The following STX8 variants were observed in gnomAD, a reference collection of about 807,000 sequenced individuals.
STX8 encodes the protein syntaxin 8.
In STX8, 23 loss-of-function variants were observed where a neutral mutation model predicts 37.5. The observed-to-expected ratio is 0.61, with a 90% CI of 0.44 to 0.87. STX8 has a LOEUF of 0.87. Ranked by LOEUF, STX8 falls within the 40% of genes least tolerant of loss-of-function variation. The pLI, the probability that STX8 is intolerant of heterozygous loss-of-function variation, is 0.00. For synonymous variants in STX8, 115 were observed against 99.1 expected, an observed-to-expected ratio of 1.16 and a Z score of -0.95; for missense variants, 313 against 284.7, an observed-to-expected ratio of 1.10 and a Z score of -0.71.
At chr17:9,312,176 C>T (rs540453833) in intron 7 of STX8, among the ~76,000 whole-genome samples, 38 of 148,696 alleles carry the variant, frequency 2.6e-4, no homozygotes, top group Non-Finnish European at 4.6e-4. Context: ...CATAAAAAAA[C>T]CTATATAAGC....
chr17:9,446,641 T>G (rs1237815847), intron 6 of STX8, among the ~76,000 whole-genome samples: 1 of 152,100 alleles, frequency 6.6e-6, no homozygotes, highest in Non-Finnish European at 1.5e-5. Flanking sequence ...GAAGCAACAG[T>G]TTTTTTGGCA....
At chr17:9,472,993 T>C (rs1905939377) in intron 6 of STX8, among the ~76,000 whole-genome samples, 2 of 151,724 alleles carry the variant, frequency 1.3e-5, no homozygotes, top group African/African-American at 4.8e-5. Flanking sequence ...GAGCTAAAGC[T>C]AGCAGCAAAG....
At chr17:9,316,865 T>G (rs1178879767) in intron 7 of STX8, among the ~76,000 whole-genome samples, 1 of 152,202 alleles carries the variant, frequency 6.6e-6, no homozygotes, top group Non-Finnish European at 1.5e-5. Flanking sequence ...AGGTAGATAG[T>G]GTCCATTGCA....
chr17:9,536,910 AT>A (rs540349898), intron 4 of STX8, among the ~76,000 whole-genome samples: 1 of 151,722 alleles, frequency 6.6e-6, no homozygotes, highest in Non-Finnish European at 1.5e-5. Context: ...TGCCCGGCTA[AT>A]TTTTTTTATT....
intron 7 of STX8, among the ~76,000 whole-genome samples, chr17:9,302,112 G>A (rs184549553): frequency 5.3e-4 from 80 of 152,242 alleles, no homozygotes; most frequent in African/African-American, 1.8e-3. Context: ...TTCTTTCTCA[G>A]TTACTGTTCC....
intron 7 of STX8, among the ~76,000 whole-genome samples, chr17:9,299,434 T>G (rs1192472023): frequency 7.3e-6 from 1 of 136,932 alleles, no homozygotes; most frequent in African/African-American, 2.8e-5. Context: ...GTCTTCATTC[T>G]TACGCTTTTT....
intron 7 of STX8, among the ~76,000 whole-genome samples, chr17:9,315,127 C>T (rs1909338808): frequency 6.8e-6 from 1 of 147,154 alleles, no homozygotes; most frequent in Non-Finnish European, 1.5e-5. Flanking sequence ...CCAACAACAA[C>T]AACAATAGTA....
intron 6 of STX8, among the ~76,000 whole-genome samples, chr17:9,397,224 C>T (rs28889043): frequency 0.24 from 36,105 of 152,100 alleles, 4,620 homozygotes; most frequent in African/African-American, 0.32. Flanking sequence ...GGTGAAAACC[C>T]GTCTCTACTA....
intron 6 of STX8, among the ~76,000 whole-genome samples, chr17:9,415,537 C>T (rs531941662): frequency 1.2e-3 from 178 of 151,984 alleles, no homozygotes; most frequent in Non-Finnish European, 2.3e-3. Context: ...TTTGGGAGGC[C>T]GAGGCGGGAG....
At chr17:9,415,227 C>T (rs963477221) in intron 6 of STX8, among the ~76,000 whole-genome samples, 2 of 152,112 alleles carry the variant, frequency 1.3e-5, no homozygotes, top group Admixed American at 6.6e-5. Context: ...CTCCAGGCAC[C>T]TTTCCTTCTG....
chr17:9,262,027 C>A (rs1027430400), intron 7 of STX8, among the ~76,000 whole-genome samples: 1 of 152,144 alleles, frequency 6.6e-6, no homozygotes, highest in Non-Finnish European at 1.5e-5. Flanking sequence ...TTACCTGGCA[C>A]CAATTAGGGA....
chr17:9,390,522 C>CAA (rs1161307121), intron 6 of STX8, among the ~76,000 whole-genome samples: 1 of 115,466 alleles, frequency 8.7e-6, no homozygotes, highest in Admixed American at 9.4e-5. Flanking sequence ...AACTCCGTCT[C>CAA]AAAAAAAAAA....
At chr17:9,401,931 T>A (rs1820828929) in intron 6 of STX8, among the ~76,000 whole-genome samples, 1 of 152,112 alleles carries the variant, frequency 6.6e-6, no homozygotes, top group African/African-American at 2.4e-5. Context: ...TCAGACATAT[T>A]TTTTTAGGTG....
chr17:9,406,874 T>C (rs138570523), intron 6 of STX8, among the ~76,000 whole-genome samples: 12 of 152,286 alleles, frequency 7.9e-5, no homozygotes, highest in Non-Finnish European at 1.6e-4. Context: ...TATTGGACTA[T>C]AGACACTTTA....
chr17:9,416,401 G>A (rs200224929), intron 6 of STX8, among the ~76,000 whole-genome samples: 4 of 150,228 alleles, frequency 2.7e-5, no homozygotes, highest in Non-Finnish European at 4.4e-5. Flanking sequence ...ATGGAGTCTC[G>A]CTCTGTTGCC....
chr17:9,402,341 G>C (rs760705795), intron 6 of STX8, among the ~76,000 whole-genome samples: 4 of 152,000 alleles, frequency 2.6e-5, no homozygotes, highest in African/African-American at 4.8e-5. Context: ...GGCTGATCTC[G>C]AACTCCTGAT....
chr17:9,393,193 T>G (rs72816165), intron 6 of STX8, among the ~76,000 whole-genome samples: 7 of 152,148 alleles, frequency 4.6e-5, no homozygotes, highest in Admixed American at 3.9e-4. Flanking sequence ...GAAGGAAGTA[T>G]AGCACCAGTT....
intron 6 of STX8, among the ~76,000 whole-genome samples, chr17:9,466,000 C>T (rs747398365): frequency 2.0e-5 from 3 of 151,728 alleles, no homozygotes; most frequent in Non-Finnish European, 2.9e-5. Context: ...GATGGAGTCT[C>T]GCTCTTGTTG....
intron 7 of STX8, among the ~76,000 whole-genome samples, chr17:9,319,893 G>C (rs577892965): frequency 6.6e-6 from 1 of 152,082 alleles, no homozygotes; most frequent in African/African-American, 2.4e-5. Context: ...AGAGGTTGCA[G>C]GAGCTGAGAT....
Sources: gnomAD v4.1 joint callset for allele counts (sites outside exome capture counted in the v4.1 genomes callset) on GRCh38, gnomAD v4.1.1 for gene constraint, MANE v1.5 for transcripts, NCBI Gene and HGNC (gene_info 2026-07-23, HGNC 2026-07-21) for gene names.